ANAPC1: variants seen among roughly 807,000 people sequenced by gnomAD.
ANAPC1 encodes the protein anaphase-promoting complex subunit 1.
A neutral mutation model predicts 208.0 loss-of-function variants in ANAPC1; 36 were observed. The observed-to-expected ratio is 0.17, with a 90% CI of 0.13 to 0.23. The LOEUF (loss-of-function observed/expected upper bound fraction) is 0.23, where lower values mean the gene tolerates loss of function less well. Ranked by LOEUF, ANAPC1 falls within the 10% of genes least tolerant of loss-of-function variation. The pLI is 1.00. For missense variants in ANAPC1, 942 were observed against 2,011.6 expected (o/e 0.47, Z 10.17); for synonymous variants, 378 against 695.2 (o/e 0.54, Z 7.18).
At chr2:111,775,121 C>G (rs1349762156) in intron 46 of ANAPC1, among the ~76,000 whole-genome samples, 1 of 152,084 alleles carries the variant, frequency 6.6e-6, no homozygotes, top group African/African-American at 2.4e-5. Flanking sequence ...CAAAAATTAG[C>G]TGGGTGTGGT....
chr2:111,844,128 A>AGCTTTTT (rs1310611356), intron 16 of ANAPC1, among the ~76,000 whole-genome samples: 3 of 152,102 alleles, frequency 2.0e-5, no homozygotes, highest in African/African-American at 7.2e-5. Context: ...GGCCAAGGAC[A>AGCTTTTT]GCTTTTTGAT....
At chr2:111,851,668 G>A (rs988497521) in intron 13 of ANAPC1, among the ~76,000 whole-genome samples, 8 of 151,868 alleles carry the variant, frequency 5.3e-5, no homozygotes, top group Admixed American at 1.3e-4. Flanking sequence ...AAAATTAGCC[G>A]GGCGTGGTGG....
intron 34 of ANAPC1, among the ~76,000 whole-genome samples, chr2:111,796,390 G>C (rs1029055091): frequency 1.4e-5 from 2 of 147,704 alleles, no homozygotes; most frequent in African/African-American, 5.2e-5. Context: ...GAGTGCAGTG[G>C]TGCGATCACG....
chr2:111,869,114 T>C (rs1353112655), intron 6 of ANAPC1, among the ~76,000 whole-genome samples: 1 of 152,234 alleles, frequency 6.6e-6, no homozygotes, highest in Non-Finnish European at 1.5e-5. Context: ...TTAGCTACTT[T>C]AACTTTGCAT....
chr2:111,864,402 CAA>C (rs557496899), intron 8 of ANAPC1, among the ~76,000 whole-genome samples: 10,555 of 67,170 alleles, frequency 0.16, 736 homozygotes, highest in Non-Finnish European at 0.21. Flanking sequence ...GTGATTTTTC[CAA>C]AAAAAAAAAA....
intron 10 of ANAPC1, among the ~76,000 whole-genome samples, chr2:111,859,475 A>C (rs1417502493): frequency 2.0e-5 from 3 of 151,396 alleles, no homozygotes; most frequent in East Asian, 3.9e-4. Flanking sequence ...CTATCTCAAT[A>C]AATAAATAAA....
At chr2:111,826,911 G>A (rs1327380160) in intron 21 of ANAPC1, among the ~76,000 whole-genome samples, 4 of 151,966 alleles carry the variant, frequency 2.6e-5, no homozygotes, top group African/African-American at 4.8e-5. Context: ...CGCCCTCCTC[G>A]GCCTCCCAAA....
chr2:111,877,000 T>G (rs1683055972), intron 3 of ANAPC1, among the ~76,000 whole-genome samples: 1 of 152,116 alleles, frequency 6.6e-6, no homozygotes. Flanking sequence ...TTGCCATATT[T>G]GTTTGTGTGT....
At chr2:111,781,986 G>A (rs1366051757) in intron 43 of ANAPC1, among the ~76,000 whole-genome samples, 2 of 152,252 alleles carry the variant, frequency 1.3e-5, no homozygotes, top group Non-Finnish European at 2.9e-5. Flanking sequence ...TTTAAATGGA[G>A]TTAATAATTG....
At chr2:111,849,036 CT>C (rs1174695004) in intron 14 of ANAPC1, among the ~76,000 whole-genome samples, 1 of 152,198 alleles carries the variant, frequency 6.6e-6, no homozygotes, top group Non-Finnish European at 1.5e-5. Flanking sequence ...ACCACTGATC[CT>C]TTTTGATTCC....
At chr2:111,842,642 CAA>C (rs1320611057) in intron 17 of ANAPC1, among the ~76,000 whole-genome samples, 20 of 83,950 alleles carry the variant, frequency 2.4e-4, no homozygotes, top group Admixed American at 3.8e-4. Flanking sequence ...CATTCTGTCT[CAA>C]AAAAAAAAAA....
chr2:111,831,136 T>C, intron 21 of ANAPC1, 150 bp downstream of exon 21: 1 of 595,238 alleles, frequency 1.7e-6, no homozygotes, highest in South Asian at 4.3e-5. Flanking sequence ...ATGTAAATGT[T>C]CTATATCCTC....
chr2:111,868,658 G>A (rs1255049426), intron 6 of ANAPC1, among the ~76,000 whole-genome samples: 1 of 152,126 alleles, frequency 6.6e-6, no homozygotes, highest in Non-Finnish European at 1.5e-5. Context: ...AACCTCCCGA[G>A]TAGTTGGGAT....
intron 38 of ANAPC1, 150 bp downstream of exon 38, chr2:111,792,212 A>C (rs375968322): frequency 0.14 from 81,286 of 580,606 alleles, 6,580 homozygotes; most frequent in Non-Finnish European, 0.16. Context: ...TTAAACTACA[A>C]AGAAGCCCAT....
chr2:111,853,756 G>A (rs1316077289), intron 13 of ANAPC1, among the ~76,000 whole-genome samples: 1 of 151,064 alleles, frequency 6.6e-6, no homozygotes, highest in African/African-American at 2.4e-5. Flanking sequence ...TCCCTCTGTC[G>A]CCCAGGCTGG....
chr2:111,787,671 C>T (rs1315863530), intron 39 of ANAPC1, among the ~76,000 whole-genome samples: 5 of 151,948 alleles, frequency 3.3e-5, no homozygotes, highest in Non-Finnish European at 5.9e-5. Context: ...GGTGGTTCCT[C>T]GTACCCTAAA....
intron 14 of ANAPC1, among the ~76,000 whole-genome samples, chr2:111,848,087 G>A (rs904225991): frequency 4.6e-5 from 7 of 151,854 alleles, no homozygotes; most frequent in African/African-American, 7.3e-5. Flanking sequence ...ATTTGAGGCT[G>A]TAGTGAGCCT....
rs567964239 is a variant in ANAPC1 at position 111,868,398 on chromosome 2, G to A, written c.612-302C>T. Reference sequence around the variant, plus strand: ...ACAAATGGAGTAATGTGCATAAAGCGGTCTTTTTTTATTGACCTCTCTTAC... The same window carrying A: ...ACAAATGGAGTAATGTGCATAAAGCAGTCTTTTTTTATTGACCTCTCTTAC... On this transcript the variant is annotated intron_variant, in intron 6 of 47. Transcript: ENST00000341068. Among the ~76,000 whole-genome samples, 82 of 152,218 alleles carry A rather than the reference G, an allele frequency of 5.4e-4. 1 individual carries two copies. The Middle Eastern group carries it at 0.017, about 32-fold the overall frequency.
intron 28 of ANAPC1, among the ~76,000 whole-genome samples, chr2:111,810,486 TATAA>T (rs1362733130): frequency 1.3e-5 from 2 of 152,002 alleles, no homozygotes; most frequent in African/African-American, 2.4e-5. Context: ...TATATATTTA[TATAA>T]ATAAAGATTC....
Sources: gnomAD v4.1 joint callset for allele counts (sites outside exome capture counted in the v4.1 genomes callset) on GRCh38, gnomAD v4.1.1 for gene constraint, MANE v1.5 for transcripts, NCBI Gene and HGNC (gene_info 2026-07-23, HGNC 2026-07-21) for gene names.